Variants in CPEB2 observed in about 807,000 individuals in gnomAD.
CPEB2 encodes the protein cytoplasmic polyadenylation element binding protein 2, also known as cytoplasmic polyadenylation element-binding protein 2.
A neutral mutation model predicts 93.6 loss-of-function variants in CPEB2; 56 were observed. The ratio of observed to expected loss-of-function variants is 0.60; its 90% CI spans 0.48 to 0.75. The LOEUF is 0.75. CPEB2 is among the 30% of genes least tolerant of loss of function. The probability of loss-of-function intolerance (pLI) is 0.00; values close to 1 mark genes in which losing one functional copy is unlikely to be tolerated. For synonymous variants in CPEB2, 764 were observed against 586.3 expected (o/e 1.30, Z -4.38); for missense variants, 1,579 against 1,395.1 (o/e 1.13, Z -2.10).
At chr4:15,045,347 C>T (rs1363492504) in intron 6 of CPEB2, among the ~76,000 whole-genome samples, 1 of 152,078 alleles carries the variant, frequency 6.6e-6, no homozygotes, top group African/African-American at 2.4e-5. Context: ...TGCTTATGTA[C>T]ATAAATATCT....
rs760922995 is a variant in CPEB2 at position 15,033,345 on chromosome 4, A to G, written c.2176+134A>G. On this transcript the variant is annotated intron_variant, in intron 5 of 11. Coordinates refer to ENST00000538197, the MANE Select transcript of CPEB2 (RefSeq NM_001177382.2). ...TAAAAATAAAGTTACAACTATTCCT[A>G]TGCAAAAGGCAGAATTAGGAATCTG... 3.0e-5 allele frequency: 20 copies of G among 664,712 alleles called. 1 individual carries two copies. Among genetic ancestry groups the G allele is most frequent in the Non-Finnish European group, 3.6e-5 (14 of 385,888 alleles). 41.2% of individuals were successfully genotyped at this position (664,712 alleles called of 1,614,324 possible). A position where few individuals can be genotyped will look rare whatever the true frequency, so the allele number is the denominator to read the frequency against.
chr4:15,007,785 A>G (rs1354871323), intron 2 of CPEB2, among the ~76,000 whole-genome samples, 199 bp downstream of exon 2: 1 of 152,220 alleles, frequency 6.6e-6, no homozygotes, highest in East Asian at 1.9e-4. Flanking sequence ...TAAACACGCA[A>G]TGGAAAATAA....
chr4:15,069,046 A>ATTTTTGTAT lies in CPEB2; in HGVS notation c.*2670_*2678dup. On this transcript the variant is annotated 3_prime_UTR_variant, in exon 12 of 12. Transcript: ENST00000538197. ...GTAGAAAATTATTAATTTTGATTGT[A>ATTTTTGTAT]TTTTTGTATTTTAAAAGCTTCTTCA... 6.6e-6 allele frequency: 1 copy of ATTTTTGTAT among 151,180 alleles called. No individual in the cohort carries two copies. Among genetic ancestry groups the ATTTTTGTAT allele is most frequent in the Non-Finnish European group, 1.5e-5 (1 of 67,520 alleles). 9.4% of individuals were successfully genotyped at this position (151,180 alleles called of 1,614,324 possible).
intron 6 of CPEB2, 81 bp from the exon 7 acceptor site, chr4:15,052,333 A>T: frequency 1.0e-6 from 1 of 970,884 alleles, no homozygotes; most frequent in Non-Finnish European, 1.4e-6. Context: ...TAAGTCTTTG[A>T]ATTTGTCATT....
intron 6 of CPEB2, among the ~76,000 whole-genome samples, chr4:15,044,059 A>C (rs1727438744): frequency 6.6e-6 from 1 of 152,234 alleles, no homozygotes; most frequent in Non-Finnish European, 1.5e-5. Flanking sequence ...TTTTATGATG[A>C]AATCAAGGCT....
At chr4:15,054,053 A>G (rs1180125013) in intron 7 of CPEB2, 75 bp from the exon 8 acceptor site, 31 of 940,816 alleles carry the variant, frequency 3.3e-5, no homozygotes, top group Non-Finnish European at 4.9e-5. Flanking sequence ...TTAAATCTTC[A>G]TAGTAACAGT....
chr4:15,012,248 A>G (rs931025705), intron 3 of CPEB2, among the ~76,000 whole-genome samples: 3 of 152,132 alleles, frequency 2.0e-5, no homozygotes, highest in African/African-American at 4.8e-5. Flanking sequence ...TTTGTTTCCT[A>G]TTCTGTGTTC....
intron 3 of CPEB2, among the ~76,000 whole-genome samples, chr4:15,010,195 T>C (rs904293049): frequency 5.9e-5 from 9 of 152,156 alleles, no homozygotes; most frequent in African/African-American, 1.9e-4. Context: ...ATGACATAGT[T>C]TATAGGTTTT....
chr4:15,052,248 G>C (rs1179998473), intron 6 of CPEB2, among the ~76,000 whole-genome samples, 166 bp from the exon 7 acceptor site: 1 of 151,862 alleles, frequency 6.6e-6, no homozygotes, highest in African/African-American at 2.4e-5. Flanking sequence ...CTTCTTTCTT[G>C]AATCCAGGTA....
At chr4:15,043,834 A>G (rs1438713977) in intron 6 of CPEB2, among the ~76,000 whole-genome samples, 3 of 152,144 alleles carry the variant, frequency 2.0e-5, no homozygotes, top group Non-Finnish European at 4.4e-5. Flanking sequence ...AGATAGGAGA[A>G]ATAATTTTAA....
chr4:15,021,050 G>A (rs529101751), intron 4 of CPEB2, among the ~76,000 whole-genome samples: 2 of 152,238 alleles, frequency 1.3e-5, no homozygotes, highest in South Asian at 4.1e-4. Flanking sequence ...GAACTGAAAG[G>A]AGGCTAGCCC....
intron 9 of CPEB2, 22 bp from the exon 10 acceptor site, chr4:15,059,165 C>T (rs1180621964): frequency 2.1e-6 from 3 of 1,411,202 alleles, no homozygotes; most frequent in African/African-American, 1.4e-5. Flanking sequence ...GGGAGTAAGA[C>T]CCAATGTAAT....
chr4:15,058,312 T>C, intron 8 of CPEB2, 109 bp from the exon 9 acceptor site: 1 of 676,608 alleles, frequency 1.5e-6, no homozygotes, highest in Non-Finnish European at 2.6e-6. Flanking sequence ...TCATCCTATT[T>C]GATAGTTTGT....
intron 5 of CPEB2, among the ~76,000 whole-genome samples, chr4:15,033,656 G>A (rs190403085): frequency 2.1e-4 from 32 of 152,282 alleles, no homozygotes; most frequent in East Asian, 1.2e-3. Flanking sequence ...TAAATATTGT[G>A]ATCACACTAA....
chr4:15,069,147 C>T lies in CPEB2; in HGVS notation c.*2767C>T, dbSNP rs565119257. 5 of 152,198 alleles carry T rather than the reference C, an allele frequency of 3.3e-5. No individual in the cohort carries two copies. Among genetic ancestry groups the T allele is most frequent in the African/African-American group, 1.2e-4 (5 of 41,464 alleles). 9.4% of individuals were successfully genotyped at this position (152,198 alleles called of 1,614,324 possible). A position where few individuals can be genotyped will look rare whatever the true frequency, so the allele number is the denominator to read the frequency against. ...GAAAAAAAAATACTTTAAAAATCCA[C>T]ACTTTTTGTTAAGAAGGAAACATTT... On this transcript the variant is annotated 3_prime_UTR_variant, in exon 12 of 12. Coordinates refer to ENST00000538197, the MANE Select transcript of CPEB2 (RefSeq NM_001177382.2).
At chr4:15,060,750 G>A (rs576014869) in intron 10 of CPEB2, among the ~76,000 whole-genome samples, 1 of 152,052 alleles carries the variant, frequency 6.6e-6, no homozygotes, top group South Asian at 2.1e-4. Context: ...GTGGTATCTG[G>A]TGTATTTTTT....
In CPEB2 at chr4:15,007,562, T is replaced by G. The variant is rs781013304; in HGVS notation, c.1920T>G (p.Asn640Lys). Residue 640 changes from asparagine (N) to lysine (K), a missense_variant, in exon 2 of 12, where the codon AAT becomes AAG. Transcript: ENST00000538197. ...IEDNVFRTDN[N>K]SNTLLPLQVR... ...ATAATGTGTTCAGAACAGACAACAA[T>G]AGTAATACACTCTTACCCTTACAGG... 74 of 1,607,568 alleles carry G rather than the reference T, an allele frequency of 4.6e-5. No homozygotes were observed. The highest frequency in any genetic ancestry group is 6.2e-5 in the Non-Finnish European group (73 of 1,175,640).
At chr4:15,042,099 C>T (rs1727240822) in intron 6 of CPEB2, among the ~76,000 whole-genome samples, 1 of 152,194 alleles carries the variant, frequency 6.6e-6, no homozygotes, top group African/African-American at 2.4e-5. Flanking sequence ...TTCTCTGAAA[C>T]ACAACCCACT....
intron 3 of CPEB2, among the ~76,000 whole-genome samples, chr4:15,011,719 TTAAG>T (rs1216901910): frequency 6.6e-6 from 1 of 152,170 alleles, no homozygotes; most frequent in African/African-American, 2.4e-5. Context: ...TAAATATCCT[TTAAG>T]TGAGGTTATT....
Sources: gnomAD v4.1 joint callset for allele counts (sites outside exome capture counted in the v4.1 genomes callset) on GRCh38, gnomAD v4.1.1 for gene constraint, MANE v1.5 for transcripts, NCBI Gene and HGNC (gene_info 2026-07-23, HGNC 2026-07-21) for gene names.